Variants in LARP4B observed in about 807,000 individuals in gnomAD.
LARP4B encodes La ribonucleoprotein 4B.
Under a neutral mutation model 89.8 loss-of-function variants are expected in LARP4B, and 12 were observed. That is an observed-to-expected ratio of 0.13 (90% CI 0.09 to 0.22). LARP4B has a LOEUF of 0.22. LARP4B is among the 10% of genes least tolerant of loss of function. The pLI is 1.00. For missense variants in LARP4B, 757 were observed against 947.7 expected, an observed-to-expected ratio of 0.80 and a Z score of 2.64; for synonymous variants, 367 against 363.3, an observed-to-expected ratio of 1.01 and a Z score of -0.12.
At chr10:885,889 TC>T (rs2131934854) in intron 1 of LARP4B, 129 bp from the exon 2 acceptor site, 2 of 516,346 alleles carry the variant, frequency 3.9e-6, no homozygotes, top group East Asian at 3.3e-5. Context: ...TTTAAAGAAG[TC>T]TTCCCATATG....
the LARP4B span, among the ~76,000 whole-genome samples, chr10:945,550 T>C: frequency 5.9e-5 from 9 of 151,982 alleles, no homozygotes; most frequent in Admixed American, 2.6e-4. Context: ...TAGCCGGGCA[T>C]GGTGGCGGGC....
chr10:869,576 ATTAATT>A (rs1216189491), intron 3 of LARP4B, among the ~76,000 whole-genome samples: 5 of 152,220 alleles, frequency 3.3e-5, no homozygotes, highest in Non-Finnish European at 5.9e-5. Flanking sequence ...GTAAATCTTT[ATTAATT>A]TTAAGTTAAA....
chr10:902,901 G>A (rs866177908), intron 1 of LARP4B, among the ~76,000 whole-genome samples: 12 of 152,230 alleles, frequency 7.9e-5, no homozygotes, highest in Middle Eastern at 3.4e-3. Context: ...CCTCGGCCTC[G>A]AAAAGTGCTG....
chr10:894,705 TAA>T (rs1478463965), intron 1 of LARP4B, among the ~76,000 whole-genome samples: 2 of 152,174 alleles, frequency 1.3e-5, no homozygotes, highest in Non-Finnish European at 2.9e-5. Context: ...AGCTAGAAAC[TAA>T]AAGACTCATG....
intron 15 of LARP4B, among the ~76,000 whole-genome samples, chr10:817,390 A>G (rs1435606683): frequency 4.6e-5 from 7 of 152,196 alleles, no homozygotes; most frequent in Non-Finnish European, 8.8e-5. Flanking sequence ...AGATGTTTCC[A>G]TTTCATTCTG....
rs147807671 is a variant in LARP4B, at chr10:927,941, C to T, written c.-40+3487G>A. ...AACTTGTACCTTTGGCCAGGTACGC[C>T]GTGGCTCACGCCTGCAATCCCAGCA... On this transcript the variant is annotated intron_variant, in intron 1 of 17. Transcript: ENST00000316157. 6.2e-4 allele frequency among the ~76,000 whole-genome samples: 94 copies of T among 152,150 alleles called. No individual in the cohort carries two copies. The East Asian group carries it at 0.018, about 29-fold the overall frequency.
the LARP4B span, chr10:986,555 C>T: frequency 6.6e-6 from 1 of 152,230 alleles, no homozygotes; most frequent in African/African-American, 2.4e-5. Flanking sequence ...CATCAACACG[C>T]ACATGGTGTA....
At chr10:909,736 G>C (rs894209644) in intron 1 of LARP4B, among the ~76,000 whole-genome samples, 2 of 151,742 alleles carry the variant, frequency 1.3e-5, no homozygotes, top group African/African-American at 4.8e-5. Flanking sequence ...AGTGAGCTGA[G>C]ATCGCGCCAC....
At chr10:960,744 A>AAG in the LARP4B span, among the ~76,000 whole-genome samples, 1 of 142,260 alleles carries the variant, frequency 7.0e-6, no homozygotes, top group Non-Finnish European at 1.5e-5. Flanking sequence ...AAAAGAATGG[A>AAG]AGAGAGGGTC....
At chr10:969,949 C>T in the LARP4B span, among the ~76,000 whole-genome samples, 1 of 152,204 alleles carries the variant, frequency 6.6e-6, no homozygotes, top group Admixed American at 6.5e-5. Flanking sequence ...AGGCAAGGGA[C>T]CGTAAGCATT....
chr10:967,276 T>C, the LARP4B span, among the ~76,000 whole-genome samples: 1 of 152,186 alleles, frequency 6.6e-6, no homozygotes, highest in African/African-American at 2.4e-5. Context: ...ATAAAAATGC[T>C]AGAATTTACA....
At chr10:966,207 C>G in the LARP4B span, among the ~76,000 whole-genome samples, 1 of 152,038 alleles carries the variant, frequency 6.6e-6, no homozygotes, top group Non-Finnish European at 1.5e-5. Context: ...GTGATTCCAG[C>G]ACATCGGGAG....
chr10:918,632 C>CAAAAA (rs57396015), intron 1 of LARP4B, among the ~76,000 whole-genome samples: 1 of 48,368 alleles, frequency 2.1e-5, no homozygotes, highest in African/African-American at 7.6e-5. Context: ...GACCCTGTCT[C>CAAAAA]AAAAAAAAAA....
In LARP4B at chr10:825,123, C is replaced by A; in HGVS notation, c.1426G>T (p.Gly476Trp). The A allele has an allele frequency of 1.2e-6, 2 of 1,614,236 alleles. No homozygotes were observed. The highest frequency in any genetic ancestry group is 1.7e-6 in the Non-Finnish European group (2 of 1,180,046). ...NPSAYAKREA[G>W]PGRVEPGSLE... ...CTGCCTGGCTCCACACGCCCAGGCC[C>A]AGCCTCTCTCTTGGCATATGCTGAA... The change falls in exon 13 of 18, where the codon GGG becomes TGG. Residue 476 changes from glycine (G) to tryptophan (W), a missense_variant. This residue lies in a region of LARP4B where 387 missense variants were observed against 423.6 expected (regional missense o/e 0.91). Coordinates refer to ENST00000316157, the MANE Select transcript of LARP4B (RefSeq NM_015155.3).
the LARP4B span, chr10:987,779 C>G: frequency 1.3e-5 from 2 of 152,298 alleles, no homozygotes; most frequent in Non-Finnish European, 2.9e-5. Flanking sequence ...CGCAACTGTT[C>G]CCTGGGCTCT....
chr10:839,461 T>C (rs1833403997), intron 7 of LARP4B, among the ~76,000 whole-genome samples: 1 of 152,134 alleles, frequency 6.6e-6, no homozygotes, highest in Admixed American at 6.5e-5. Flanking sequence ...CAATTGTTAA[T>C]AAAACTAATA....
At chr10:877,790 C>T (rs552082950) in intron 3 of LARP4B, among the ~76,000 whole-genome samples, 2 of 152,308 alleles carry the variant, frequency 1.3e-5, no homozygotes, top group Middle Eastern at 3.4e-3. Context: ...GGAGCACCTA[C>T]CTGTCAGGAA....
chr10:905,124 T>C (rs1287880076), intron 1 of LARP4B, among the ~76,000 whole-genome samples: 3 of 152,280 alleles, frequency 2.0e-5, no homozygotes, highest in South Asian at 4.1e-4. Flanking sequence ...AACTGAAATA[T>C]AAAACACTTC....
chr10:857,066 T>C (rs139862758), intron 5 of LARP4B, among the ~76,000 whole-genome samples: 1 of 152,120 alleles, frequency 6.6e-6, no homozygotes, highest in East Asian at 1.9e-4. Flanking sequence ...ACTGAAGGCA[T>C]AGTCACCACA....
Sources: allele counts gnomAD v4.1 joint callset (sites outside exome capture counted in the v4.1 genomes callset), GRCh38; gene constraint gnomAD v4.1.1; regional missense constraint gnomAD v4.1.1; transcripts MANE v1.5; gene names NCBI Gene and HGNC (gene_info 2026-07-23, HGNC 2026-07-21).